The following ECT2 variants were observed in gnomAD, a reference collection of about 807,000 sequenced individuals.
ECT2 encodes protein ECT2.
ECT2 carries 61 observed loss-of-function variants against 116.9 expected under a neutral mutation model. The ratio of observed to expected loss-of-function variants is 0.52; its 90% CI spans 0.42 to 0.65. The LOEUF (loss-of-function observed/expected upper bound fraction) is 0.65, where lower values mean the gene tolerates loss of function less well. ECT2 is among the 30% of genes least tolerant of loss of function. ECT2 has a pLI of 0.00. For synonymous variants in ECT2, 358 were observed against 346.4 expected, an observed-to-expected ratio of 1.03 and a Z score of -0.37; for missense variants, 937 against 1,078.7, an observed-to-expected ratio of 0.87 and a Z score of 1.84.
intron 1 of ECT2, among the ~76,000 whole-genome samples, chr3:172,751,527 G>GGCA (rs1715827973): frequency 6.6e-6 from 1 of 151,928 alleles, no homozygotes; most frequent in Non-Finnish European, 1.5e-5. Context: ...AAAAGGTTTA[G>GGCA]GACAATGTCT....
chr3:172,822,371 G>T (rs978973435), downstream of ECT2, among the ~76,000 whole-genome samples: 2 of 151,820 alleles, frequency 1.3e-5, no homozygotes, highest in African/African-American at 4.8e-5. Flanking sequence ...ATATAACCAA[G>T]AAATAATTTT....
At chr3:172,809,094 T>C (rs1048706744) in intron 22 of ECT2, among the ~76,000 whole-genome samples, 2 of 152,110 alleles carry the variant, frequency 1.3e-5, no homozygotes, top group African/African-American at 2.4e-5. Context: ...TAGGTATCCA[T>C]CCACTTTTTC....
Position 172,764,337 on chromosome 3 carries a change from C to T in ECT2, c.1128C>T (p.Ser376=). 1 of 1,614,108 alleles carries T rather than the reference C, an allele frequency of 6.2e-7. No homozygotes were observed. Among genetic ancestry groups the T allele is most frequent in the Non-Finnish European group, 8.5e-7 (1 of 1,179,998 alleles). The change falls in exon 12 of 25, where the codon AGC becomes AGT. Residue 376 remains serine, a synonymous_variant. Coordinates refer to ENST00000392692, the MANE Select transcript of ECT2 (RefSeq NM_001258315.2). ...VSMLSLNTPN[S]NRKRRRLKET... is the part of the protein sequence containing the mutation. The stretch of plus-strand genomic sequence containing the variant: ...TGCTTTCTCTAAATACCCCTAACAG[C>T]AATCGCAAACGACGTCGTTTAAAAG...
At chr3:172,771,654 T>C (rs1720657834) in intron 13 of ECT2, among the ~76,000 whole-genome samples, 1 of 152,196 alleles carries the variant, frequency 6.6e-6, no homozygotes. Flanking sequence ...ATCAATAATA[T>C]CTGACTTGCA....
At chr3:172,803,506 T>C (rs1727099017) in intron 20 of ECT2, among the ~76,000 whole-genome samples, 1 of 152,182 alleles carries the variant, frequency 6.6e-6, no homozygotes, top group Admixed American at 6.5e-5. Context: ...AGTTAGATTT[T>C]CTTTTTGTAT....
At chr3:172,776,979 A>G (rs1347408995) in intron 14 of ECT2, among the ~76,000 whole-genome samples, 1 of 151,568 alleles carries the variant, frequency 6.6e-6, no homozygotes. Flanking sequence ...GGTTCAAATG[A>G]TTCTCCTGCC....
intron 14 of ECT2, among the ~76,000 whole-genome samples, chr3:172,779,422 CT>C (rs1722306869): frequency 6.6e-6 from 1 of 152,110 alleles, no homozygotes; most frequent in Non-Finnish European, 1.5e-5. Context: ...TTGAACTTTA[CT>C]GTAATTCTTA....
At chr3:172,802,302 CAG>C (rs1027770960) in intron 18 of ECT2, among the ~76,000 whole-genome samples, 2 of 151,920 alleles carry the variant, frequency 1.3e-5, no homozygotes, top group Non-Finnish European at 2.9e-5. Context: ...TTAGTAGAAA[CAG>C]AGTTTCACCA....
intron 20 of ECT2, among the ~76,000 whole-genome samples, chr3:172,804,150 T>C (rs529324289): frequency 6.6e-6 from 1 of 152,274 alleles, no homozygotes; most frequent in South Asian, 2.1e-4. Context: ...TTTTGTCCTT[T>C]CCTACTTCTA....
intron 18 of ECT2, among the ~76,000 whole-genome samples, chr3:172,793,784 T>G (rs1559995001): frequency 6.6e-6 from 1 of 152,186 alleles, no homozygotes; most frequent in African/African-American, 2.4e-5. Context: ...TTTTAATTTG[T>G]GACATTCTAA....
At chr3:172,778,231 C>T (rs997985089) in intron 14 of ECT2, among the ~76,000 whole-genome samples, 2 of 152,200 alleles carry the variant, frequency 1.3e-5, no homozygotes, top group Admixed American at 1.3e-4. Flanking sequence ...TGCTCTGTCT[C>T]AGAACTGTAG....
intron 18 of ECT2, among the ~76,000 whole-genome samples, chr3:172,789,012 T>C (rs1724119662): frequency 6.9e-6 from 1 of 144,566 alleles, no homozygotes; most frequent in South Asian, 2.2e-4. Context: ...GAGCTGAGAT[T>C]GCGCCATTGC....
At chr3:172,805,321 T>C (rs1347227672) in intron 20 of ECT2, among the ~76,000 whole-genome samples, 2 of 152,318 alleles carry the variant, frequency 1.3e-5, no homozygotes, top group South Asian at 4.1e-4. Context: ...ACACTTGTTA[T>C]TGTTTTTCCT....
At chr3:172,782,141 A>G in intron 14 of ECT2, 22 bp from the exon 15 acceptor site, 1 of 1,473,124 alleles carries the variant, frequency 6.8e-7, no homozygotes, top group Non-Finnish European at 9.2e-7. Flanking sequence ...AATTTTAAAT[A>G]TTTCAATTCG....
chr3:172,791,102 C>G (rs1724575511), intron 18 of ECT2, among the ~76,000 whole-genome samples: 1 of 152,154 alleles, frequency 6.6e-6, no homozygotes, highest in Non-Finnish European at 1.5e-5. Flanking sequence ...TGCAGTGAAC[C>G]AAAATTGCAC....
intron 13 of ECT2, among the ~76,000 whole-genome samples, chr3:172,770,566 C>T (rs943843827): frequency 6.6e-5 from 10 of 152,228 alleles, no homozygotes; most frequent in Admixed American, 1.3e-4. Context: ...TCTCAAACTT[C>T]TGTGCTCAAG....
intron 14 of ECT2, among the ~76,000 whole-genome samples, chr3:172,776,199 T>A (rs1353519030): frequency 7.4e-5 from 1 of 13,534 alleles, no homozygotes; most frequent in East Asian, 8.2e-3. Context: ...CAGTTTTTTC[T>A]TTTTTTTTTT....
intron 6 of ECT2, 151 bp from the exon 7 acceptor site, chr3:172,760,005 A>C: frequency 5.8e-6 from 3 of 520,928 alleles, no homozygotes; most frequent in Non-Finnish European, 1.0e-5. Context: ...TTTTATACTT[A>C]CTTTGACATA....
rs1317881327 is a variant in ECT2, at chr3:172,821,176, G to A, written c.*939G>A. 1 of 151,880 alleles carries A rather than the reference G, an allele frequency of 6.6e-6. No homozygotes were observed. 9.4% of individuals were successfully genotyped at this position (151,880 alleles called of 1,614,324 possible). ...TGGTCTTATAATTAAATGTAAAATT[G>A]AAAATTCATTTGCTGTTTCAAAGTG... is the stretch of plus-strand genomic sequence containing the variant. On this transcript the variant is annotated 3_prime_UTR_variant, in exon 25 of 25. Transcript: ENST00000392692.
Sources: allele counts gnomAD v4.1 joint callset (sites outside exome capture counted in the v4.1 genomes callset), GRCh38; gene constraint gnomAD v4.1.1; transcripts MANE v1.5; gene names NCBI Gene and HGNC (gene_info 2026-07-23, HGNC 2026-07-21).